ZMYND8: variants seen among roughly 807,000 people sequenced by gnomAD.
ZMYND8 encodes MYND-type zinc finger-containing chromatin reader ZMYND8.
Under a neutral mutation model 140.8 loss-of-function variants are expected in ZMYND8, and 37 were observed. The observed-to-expected ratio is 0.26, with a 90% CI of 0.20 to 0.35. ZMYND8 has a LOEUF of 0.35. Among genes scored for constraint, ZMYND8 ranks in the 10% least tolerant of loss-of-function variants. The probability of loss-of-function intolerance (pLI) is 1.00; values close to 1 mark genes in which losing one functional copy is unlikely to be tolerated. For missense variants in ZMYND8, 1,068 were observed against 1,570.0 expected (o/e 0.68, Z 5.40); for synonymous variants, 592 against 597.1 (o/e 0.99, Z 0.12).
chr20:47,350,055 A>C, intron 1 of ZMYND8: 1 of 1,428,452 alleles, frequency 7.0e-7, no homozygotes, highest in Non-Finnish European at 9.1e-7. Context: ...TAAGATAATC[A>C]ATGCTGGAGC....
intron 1 of ZMYND8, chr20:47,350,002 A>C: frequency 6.7e-7 from 1 of 1,498,064 alleles, no homozygotes; most frequent in Non-Finnish European, 8.9e-7. Flanking sequence ...AGAGACGAGG[A>C]AAATGCAAAC....
chr20:47,217,348 ATTGCAAAGCTCAATTGGTTGCATATGG>A (rs2036279100), intron 21 of ZMYND8, among the ~76,000 whole-genome samples: 1 of 152,192 alleles, frequency 6.6e-6, no homozygotes, highest in Non-Finnish European at 1.5e-5. Context: ...ATGAGTCTGG[ATTGCAAAGCTCAATTGGTTGCATATGG>A]TTGCAAAGCT....
intron 12 of ZMYND8, among the ~76,000 whole-genome samples, chr20:47,254,955 C>T (rs1376663066): frequency 1.3e-5 from 2 of 151,994 alleles, no homozygotes; most frequent in Admixed American, 6.5e-5. Context: ...GGTGAAACCC[C>T]GTCTCTACTA....
chr20:47,255,561 AGTGTGTGTGT>A (rs141205253), intron 12 of ZMYND8, among the ~76,000 whole-genome samples: 1,750 of 119,998 alleles, frequency 0.015, 45 homozygotes, highest in South Asian at 0.056. Flanking sequence ...ACATATACTC[AGTGTGTGTGT>A]GTGTGTGTGT....
intron 11 of ZMYND8, among the ~76,000 whole-genome samples, chr20:47,274,570 T>G (rs1453169169): frequency 2.0e-5 from 3 of 152,214 alleles, no homozygotes; most frequent in Non-Finnish European, 4.4e-5. Flanking sequence ...AAGTAAGCTT[T>G]TAAGGACTCT....
At chr20:47,297,846 C>A (rs2077742298) in intron 4 of ZMYND8, among the ~76,000 whole-genome samples, 1 of 152,172 alleles carries the variant, frequency 6.6e-6, no homozygotes, top group Admixed American at 6.6e-5. Flanking sequence ...GGAGCCACCT[C>A]CAAACAGTGG....
chr20:47,268,888 T>G (rs906354831), intron 11 of ZMYND8, among the ~76,000 whole-genome samples: 5 of 151,570 alleles, frequency 3.3e-5, no homozygotes, highest in African/African-American at 4.9e-5. Context: ...GCTAAAAGAG[T>G]GATTAACAAT....
At chr20:47,354,816 C>T (rs1331216377) in intron 1 of ZMYND8, among the ~76,000 whole-genome samples, 2 of 152,128 alleles carry the variant, frequency 1.3e-5, no homozygotes, top group African/African-American at 2.4e-5. Flanking sequence ...CTCTACTTTT[C>T]CCACTTAACT....
At chr20:47,309,697 TA>T in intron 3 of ZMYND8, among the ~76,000 whole-genome samples, 1 of 151,582 alleles carries the variant, frequency 6.6e-6, no homozygotes, top group Non-Finnish European at 1.5e-5. Flanking sequence ...AGCTGAGAAC[TA>T]GTCCTGTGGG....
At chr20:47,240,971 G>A (rs945754553) in intron 14 of ZMYND8, among the ~76,000 whole-genome samples, 4 of 152,028 alleles carry the variant, frequency 2.6e-5, no homozygotes, top group African/African-American at 4.8e-5. Context: ...ACTGTGTCCC[G>A]CTTTAAATGA....
At chr20:47,355,593 A>C in intron 1 of ZMYND8, 1 of 690,766 alleles carries the variant, frequency 1.4e-6, no homozygotes, top group Non-Finnish European at 1.8e-6. Flanking sequence ...CAACAACACA[A>C]CCCAACAACT....
intron 2 of ZMYND8, among the ~76,000 whole-genome samples, chr20:47,324,922 T>C (rs2080285804): frequency 6.6e-6 from 1 of 152,214 alleles, no homozygotes; most frequent in Non-Finnish European, 1.5e-5. Context: ...ATTTTTTATT[T>C]TTTGAGGAGT....
intron 2 of ZMYND8, among the ~76,000 whole-genome samples, chr20:47,336,250 T>C (rs1005136683): frequency 6.6e-6 from 1 of 152,212 alleles, no homozygotes; most frequent in African/African-American, 2.4e-5. Flanking sequence ...GCTATAATTG[T>C]ACATTCTCTA....
chr20:47,307,048 C>G (rs1287616176), intron 3 of ZMYND8, among the ~76,000 whole-genome samples: 1 of 152,088 alleles, frequency 6.6e-6, no homozygotes, highest in Non-Finnish European at 1.5e-5. Flanking sequence ...TCCCAAATTT[C>G]TATGTTGATG....
chr20:47,241,562 G>C (rs2147226857), intron 14 of ZMYND8, among the ~76,000 whole-genome samples: 1 of 152,218 alleles, frequency 6.6e-6, no homozygotes, highest in South Asian at 2.1e-4. Flanking sequence ...AGGCAGGGAG[G>C]AGGGGCTGGA....
chr20:47,222,020 G>C (rs1177233446), intron 19 of ZMYND8, among the ~76,000 whole-genome samples: 1 of 152,166 alleles, frequency 6.6e-6, no homozygotes, highest in African/African-American at 2.4e-5. Context: ...TCATTCTGGA[G>C]ATGAAAGTAT....
intron 1 of ZMYND8, chr20:47,348,918 G>A (rs927912031): frequency 2.0e-5 from 3 of 152,268 alleles, no homozygotes; most frequent in African/African-American, 7.2e-5. Flanking sequence ...ATTTACTCCA[G>A]AAGCAATTCC....
At chr20:47,345,034 C>T (rs554827594) in intron 2 of ZMYND8, among the ~76,000 whole-genome samples, 43 of 152,204 alleles carry the variant, frequency 2.8e-4, no homozygotes, top group African/African-American at 7.9e-4. Context: ...GGGAAGATAG[C>T]TTGAGCCCAG....
intron 13 of ZMYND8, among the ~76,000 whole-genome samples, chr20:47,246,988 C>T (rs966466974): frequency 2.0e-5 from 3 of 152,146 alleles, no homozygotes; most frequent in Non-Finnish European, 4.4e-5. Context: ...ACACTCTTCC[C>T]TTGGGTTTCC....
Sources: gnomAD v4.1 joint callset for allele counts (sites outside exome capture counted in the v4.1 genomes callset) on GRCh38, gnomAD v4.1.1 for gene constraint, MANE v1.5 for transcripts, NCBI Gene and HGNC (gene_info 2026-07-23, HGNC 2026-07-21) for gene names.